CEP63: variants seen among roughly 807,000 people sequenced by gnomAD.
CEP63 encodes centrosomal protein 63.
In CEP63, 84 loss-of-function variants were observed where a neutral mutation model predicts 89.1. The observed-to-expected ratio is 0.94, with a 90% CI of 0.79 to 1.13. The LOEUF is 1.13. Ranked by LOEUF, CEP63 falls within the 50% of genes most tolerant of loss-of-function variation. The probability of loss-of-function intolerance (pLI) is 0.00; values close to 1 mark genes in which losing one functional copy is unlikely to be tolerated. For missense variants in CEP63, 838 were observed against 813.3 expected (o/e 1.03, Z -0.37); for synonymous variants, 267 against 272.5 (o/e 0.98, Z 0.20).
the CEP63 span, among the ~76,000 whole-genome samples, chr3:134,693,907 G>A: frequency 2.0e-5 from 3 of 152,222 alleles, no homozygotes; most frequent in African/African-American, 4.8e-5. Context: ...GTGAGAAGCA[G>A]CCCCTATGTG....
chr3:134,516,395 G>C (rs950967159), intron 3 of CEP63, among the ~76,000 whole-genome samples: 15 of 152,114 alleles, frequency 9.9e-5, no homozygotes, highest in Non-Finnish European at 1.5e-5. Context: ...GTCCAGGGAT[G>C]GGCAGGAGAC....
At chr3:134,770,629 T>A in the CEP63 span, among the ~76,000 whole-genome samples, 1 of 152,228 alleles carries the variant, frequency 6.6e-6, no homozygotes, top group African/African-American at 2.4e-5. Flanking sequence ...TCAAATACCA[T>A]TCAAAATGCT....
intron 10 of CEP63, among the ~76,000 whole-genome samples, chr3:134,582,814 A>G (rs1477119972): frequency 2.0e-5 from 3 of 152,148 alleles, no homozygotes; most frequent in Non-Finnish European, 4.4e-5. Flanking sequence ...AGGCACTTCT[A>G]TTTCTCCACA....
chr3:134,622,665 T>A, the CEP63 span, among the ~76,000 whole-genome samples: 1 of 152,228 alleles, frequency 6.6e-6, no homozygotes, highest in African/African-American at 2.4e-5. Flanking sequence ...TTAAAAATTA[T>A]TAAAATGGCA....
At chr3:134,710,029 A>G in the CEP63 span, among the ~76,000 whole-genome samples, 1 of 152,230 alleles carries the variant, frequency 6.6e-6, no homozygotes, top group Non-Finnish European at 1.5e-5. Flanking sequence ...GGCAATGTGG[A>G]AACTGTTGTG....
At chr3:134,680,333 G>A in the CEP63 span, among the ~76,000 whole-genome samples, 1 of 152,152 alleles carries the variant, frequency 6.6e-6, no homozygotes, top group African/African-American at 2.4e-5. Context: ...AATAGTCCTA[G>A]TCTTATGACC....
chr3:134,655,010 C>T, the CEP63 span, among the ~76,000 whole-genome samples: 1 of 152,176 alleles, frequency 6.6e-6, no homozygotes. Flanking sequence ...AAACCTGTTT[C>T]CAGACACTGT....
At chr3:134,644,233 G>T in the CEP63 span, among the ~76,000 whole-genome samples, 1 of 152,194 alleles carries the variant, frequency 6.6e-6, no homozygotes, top group Non-Finnish European at 1.5e-5. Context: ...CATTTGCAGG[G>T]CATGCACGCT....
At chr3:134,678,629 A>T in the CEP63 span, among the ~76,000 whole-genome samples, 1 of 152,146 alleles carries the variant, frequency 6.6e-6, no homozygotes, top group Non-Finnish European at 1.5e-5. Context: ...ATCCCTCAAC[A>T]CTTATGAAGT....
chr3:134,515,345 T>C (rs1945985341), intron 3 of CEP63, among the ~76,000 whole-genome samples: 1 of 152,224 alleles, frequency 6.6e-6, no homozygotes, highest in African/African-American at 2.4e-5. Flanking sequence ...GTTTGTTAAA[T>C]GTAAATGCAG....
At chr3:134,623,862 G>A in the CEP63 span, among the ~76,000 whole-genome samples, 785 of 152,120 alleles carry the variant, frequency 5.2e-3, 2 homozygotes, top group African/African-American at 0.017. Context: ...GACCCTTCCT[G>A]GCCTTGCCCC....
chr3:134,524,444 G>T (rs1948205821), intron 3 of CEP63, among the ~76,000 whole-genome samples: 1 of 152,142 alleles, frequency 6.6e-6, no homozygotes, highest in Non-Finnish European at 1.5e-5. Context: ...TGGTGAGAGA[G>T]GGCATCCTTC....
the CEP63 span, among the ~76,000 whole-genome samples, chr3:134,663,060 A>G: frequency 6.6e-6 from 1 of 152,192 alleles, no homozygotes; most frequent in Non-Finnish European, 1.5e-5. Context: ...ATGGAGGTAG[A>G]GCAGAACCCC....
At chr3:134,776,993 T>A in the CEP63 span, among the ~76,000 whole-genome samples, 1 of 152,358 alleles carries the variant, frequency 6.6e-6, no homozygotes, top group South Asian at 2.1e-4. Context: ...AATATTGCTG[T>A]TCTGTGGCTT....
the CEP63 span, among the ~76,000 whole-genome samples, chr3:134,648,072 C>T: frequency 5.9e-5 from 9 of 152,346 alleles, no homozygotes; most frequent in Non-Finnish European, 2.9e-5. Flanking sequence ...GGAAAGCTCT[C>T]GCTCTGGCTG....
the CEP63 span, chr3:134,651,242 C>T: frequency 2.4e-6 from 3 of 1,238,098 alleles, no homozygotes; most frequent in African/African-American, 3.1e-5. Flanking sequence ...CCATAGTCAG[C>T]AGGGGCGGCC....
chr3:134,729,793 C>A, the CEP63 span, among the ~76,000 whole-genome samples: 13 of 152,302 alleles, frequency 8.5e-5, no homozygotes, highest in African/African-American at 2.4e-4. Context: ...AGAGCCCATG[C>A]TTTTCCCAGT....
chr3:134,706,064 C>A, the CEP63 span, among the ~76,000 whole-genome samples: 1 of 152,090 alleles, frequency 6.6e-6, no homozygotes, highest in African/African-American at 2.4e-5. Flanking sequence ...CTCAAAGTCA[C>A]AAGGTAAGTG....
At chr3:134,622,893 G>A in the CEP63 span, among the ~76,000 whole-genome samples, 1 of 152,096 alleles carries the variant, frequency 6.6e-6, no homozygotes, top group Non-Finnish European at 1.5e-5. Flanking sequence ...ACATCTCACT[G>A]CTCACAAGAG....
Sources: gnomAD v4.1 joint callset for allele counts (sites outside exome capture counted in the v4.1 genomes callset) on GRCh38, gnomAD v4.1.1 for gene constraint, MANE v1.5 for transcripts, NCBI Gene and HGNC (gene_info 2026-07-23, HGNC 2026-07-21) for gene names.